CNTN4: variants seen among roughly 807,000 people sequenced by gnomAD.
The protein encoded by CNTN4 is contactin 4, also known as contactin-4.
A neutral mutation model predicts 122.5 loss-of-function variants in CNTN4; 77 were observed. That is an observed-to-expected ratio of 0.63 (90% CI 0.52 to 0.76). The LOEUF is 0.76. Ranked by LOEUF, CNTN4 falls within the 30% of genes least tolerant of loss-of-function variation. The pLI, the probability that CNTN4 is intolerant of heterozygous loss-of-function variation, is 0.00. For missense variants in CNTN4, 1,256 were observed against 1,259.1 expected (o/e 1.00, Z 0.04); for synonymous variants, 512 against 447.0 (o/e 1.15, Z -1.83).
chr3:2,944,134 G>A (rs774341796), intron 13 of CNTN4, among the ~76,000 whole-genome samples: 8 of 150,018 alleles, frequency 5.3e-5, no homozygotes, highest in Non-Finnish European at 1.0e-4. Flanking sequence ...ATGGTTCAGA[G>A]AAAAAATGAA....
At chr3:2,687,715 C>T (rs2085509036) in intron 4 of CNTN4, among the ~76,000 whole-genome samples, 2 of 152,136 alleles carry the variant, frequency 1.3e-5, no homozygotes, top group Non-Finnish European at 2.9e-5. Context: ...GCTGATCATT[C>T]AGTCAATTTT....
At position 2,774,756 on chromosome 3, in the gene CNTN4, T is replaced by C. The variant is rs2091248852; in HGVS notation, c.358+29059T>C. Among the ~76,000 whole-genome samples, 3 of 152,306 alleles carry C rather than the reference T, an allele frequency of 2.0e-5. No individual in the cohort carries two copies. The South Asian group carries it at 6.2e-4, about 32-fold the overall frequency. ...GACTGTTACAGCAGTTTTGGAACCA[T>C]TGTGTAACTGTATCCCACGAGACAA... On this transcript the variant is annotated intron_variant, in intron 6 of 24. Coordinates refer to ENST00000418658, the MANE Select transcript of CNTN4 (RefSeq NM_175607.3).
chr3:2,677,329 AT>A (rs201013532), intron 4 of CNTN4, among the ~76,000 whole-genome samples: 9,343 of 141,378 alleles, frequency 0.066, 345 homozygotes, highest in African/African-American at 0.1. Context: ...ACCCATTGAG[AT>A]TTTTTTTTTT....
rs548774682 is a variant in CNTN4 at position 2,984,127 on chromosome 3, G to A, written c.1359-4218G>A. On this transcript the variant is annotated intron_variant, in intron 13 of 24. Coordinates refer to ENST00000418658, the MANE Select transcript of CNTN4 (RefSeq NM_175607.3). Reference sequence around the variant, plus strand: ...CAAGGCCCATAGGAAATTGGATAGGGAAACTCTGAGGACAAGGGGCAAAGA... The same window carrying A: ...CAAGGCCCATAGGAAATTGGATAGGAAAACTCTGAGGACAAGGGGCAAAGA... Among the ~76,000 whole-genome samples the A allele has an allele frequency of 3.9e-5, 6 of 152,286 alleles. No homozygotes were observed. The East Asian group carries it at 9.6e-4, about 24-fold the overall frequency.
intron 3 of CNTN4, among the ~76,000 whole-genome samples, chr3:2,570,767 G>A (rs988564244): frequency 6.6e-6 from 1 of 152,114 alleles, no homozygotes; most frequent in African/African-American, 2.4e-5. Context: ...TCCTAATTCA[G>A]TATTCTTGGC....
intron 3 of CNTN4, among the ~76,000 whole-genome samples, chr3:2,559,928 TAC>T (rs1415053883): frequency 6.6e-6 from 1 of 152,170 alleles, no homozygotes; most frequent in Non-Finnish European, 1.5e-5. Flanking sequence ...TGCTTGCTGG[TAC>T]AGTGTCTGAC....
intron 2 of CNTN4, among the ~76,000 whole-genome samples, chr3:2,248,703 C>G (rs780781672): frequency 9.2e-5 from 14 of 151,984 alleles, no homozygotes; most frequent in Non-Finnish European, 2.1e-4. Context: ...AGCTTGAGCA[C>G]TCTCTTCCGT....
At chr3:3,044,703 T>C (rs375600020) in intron 23 of CNTN4, among the ~76,000 whole-genome samples, 14 of 152,300 alleles carry the variant, frequency 9.2e-5, no homozygotes, top group African/African-American at 3.4e-4. Flanking sequence ...GACTGGTGAT[T>C]TCTACATTTC....
chr3:2,326,603 C>G (rs1252609588), intron 2 of CNTN4, among the ~76,000 whole-genome samples: 2 of 152,078 alleles, frequency 1.3e-5, no homozygotes, highest in Admixed American at 1.3e-4. Context: ...TATACTATCG[C>G]ATAAATTAAG....
intron 4 of CNTN4, among the ~76,000 whole-genome samples, chr3:2,610,761 C>G (rs998138168): frequency 1.3e-5 from 2 of 151,936 alleles, no homozygotes; most frequent in African/African-American, 4.8e-5. Flanking sequence ...AAACATACAG[C>G]CAAGCAAGAA....
At chr3:2,723,364 G>A (rs1256872263) in intron 4 of CNTN4, among the ~76,000 whole-genome samples, 1 of 152,136 alleles carries the variant, frequency 6.6e-6, no homozygotes, top group African/African-American at 2.4e-5. Context: ...TAGTCCATTT[G>A]TGCTGCTATC....
chr3:2,934,777 A>T (rs2094553663), intron 13 of CNTN4, among the ~76,000 whole-genome samples: 1 of 152,274 alleles, frequency 6.6e-6, no homozygotes, highest in African/African-American at 2.4e-5. Context: ...CTCCATAATA[A>T]TGGAAATCCT....
At chr3:2,451,166 G>A (rs1289927823) in intron 3 of CNTN4, among the ~76,000 whole-genome samples, 1 of 152,116 alleles carries the variant, frequency 6.6e-6, no homozygotes, top group East Asian at 1.9e-4. Flanking sequence ...TCCTAAGTAA[G>A]GAAGTAAGAG....
intron 3 of CNTN4, among the ~76,000 whole-genome samples, chr3:2,399,131 A>G (rs2046747851): frequency 6.6e-6 from 1 of 152,010 alleles, no homozygotes; most frequent in Non-Finnish European, 1.5e-5. Context: ...AAAAAATAAT[A>G]TCCTTTAGGT....
chr3:2,822,006 T>G (rs574342647), intron 7 of CNTN4, among the ~76,000 whole-genome samples: 1 of 152,224 alleles, frequency 6.6e-6, no homozygotes, highest in Non-Finnish European at 1.5e-5. Context: ...GTAAAGGTGC[T>G]AAAAGGCATG....
intron 3 of CNTN4, among the ~76,000 whole-genome samples, chr3:2,390,079 A>C (rs182073849): frequency 1.9e-4 from 29 of 152,280 alleles, no homozygotes; most frequent in Non-Finnish European, 4.3e-4. Flanking sequence ...TACTATATAC[A>C]TGTTTATTTT....
intron 4 of CNTN4, among the ~76,000 whole-genome samples, chr3:2,635,003 G>A (rs368379455): frequency 1.3e-5 from 2 of 152,108 alleles, no homozygotes; most frequent in African/African-American, 4.8e-5. Flanking sequence ...GAAGGGATTC[G>A]TTTCATGTAG....
intron 6 of CNTN4, among the ~76,000 whole-genome samples, chr3:2,756,977 T>G (rs1419737491): frequency 6.6e-6 from 1 of 152,200 alleles, no homozygotes; most frequent in Non-Finnish European, 1.5e-5. Context: ...TATGCACAAT[T>G]CTTTTTCATT....
At chr3:2,507,473 T>A (rs1405414370) in intron 3 of CNTN4, among the ~76,000 whole-genome samples, 1 of 152,032 alleles carries the variant, frequency 6.6e-6, no homozygotes, top group African/African-American at 2.4e-5. Flanking sequence ...CCCAGCACTC[T>A]GGTAGGCCCG....
Sources: gnomAD v4.1 joint callset for allele counts (sites outside exome capture counted in the v4.1 genomes callset) on GRCh38, gnomAD v4.1.1 for gene constraint, MANE v1.5 for transcripts, NCBI Gene and HGNC (gene_info 2026-07-23, HGNC 2026-07-21) for gene names.